CDH17: variants seen among roughly 807,000 people sequenced by gnomAD.
The protein encoded by CDH17 is cadherin-17.
In CDH17, 67 loss-of-function variants were observed where a neutral mutation model predicts 86.3. That is an observed-to-expected ratio of 0.78 (90% CI 0.64 to 0.95). The LOEUF (loss-of-function observed/expected upper bound fraction) is 0.95. Among genes scored for constraint, CDH17 ranks in the 40% least tolerant of loss-of-function variants. The probability of loss-of-function intolerance (pLI) is 0.00; values close to 1 mark genes in which losing one functional copy is unlikely to be tolerated. For synonymous variants in CDH17, 367 were observed against 366.4 expected (o/e 1.00, Z -0.02); for missense variants, 993 against 1,017.6 (o/e 0.98, Z 0.33).
chr8:94,146,064 GC>G lies in CDH17; in HGVS notation c.2030del (p.Cys677SerfsTer67), dbSNP rs1217046298. The G allele has an allele frequency of 5.1e-5, 83 of 1,613,712 alleles. No homozygotes were observed. Among genetic ancestry groups the G allele is most frequent in the Non-Finnish European group, 6.9e-5 (82 of 1,179,894 alleles). On this transcript the variant is annotated frameshift_variant, in exon 15 of 18. Coordinates refer to ENST00000027335, the MANE Select transcript of CDH17 (RefSeq NM_004063.4). LOFTEE classifies it high-confidence loss of function. ...LAKDYTGLFF[C>X]HPLSAPGSLI... ...GACTTCCAGGTGCACTGAGGGGATG[GC>G]AGAAGAACAAGCCCGTGTAGTCCTT... is the stretch of plus-strand genomic sequence containing the variant.
At chr8:94,207,063 C>A (rs1814042624) in intron 1 of CDH17, among the ~76,000 whole-genome samples, 1 of 152,110 alleles carries the variant, frequency 6.6e-6, no homozygotes, top group Admixed American at 6.6e-5. Context: ...CCCACCTGCA[C>A]CTCACCCAAA....
intron 15 of CDH17, among the ~76,000 whole-genome samples, chr8:94,144,767 C>A (rs1812707615): frequency 6.6e-6 from 1 of 152,078 alleles, no homozygotes; most frequent in Non-Finnish European, 1.5e-5. Flanking sequence ...AGATATATAT[C>A]TAACAAAGCA....
chr8:94,193,952 AAG>A (rs1244443446), intron 2 of CDH17, among the ~76,000 whole-genome samples: 1 of 143,618 alleles, frequency 7.0e-6, no homozygotes, highest in African/African-American at 2.5e-5. Flanking sequence ...AAAAAAAAAA[AAG>A]AGAGCAAATG....
intron 15 of CDH17, among the ~76,000 whole-genome samples, chr8:94,136,212 T>G (rs1307398124): frequency 1.3e-5 from 2 of 152,230 alleles, no homozygotes; most frequent in African/African-American, 4.8e-5. Context: ...CCTTGCTAGA[T>G]TGGGGAAGTT....
chr8:94,167,379 A>T (rs1382262248), intron 9 of CDH17, among the ~76,000 whole-genome samples: 1 of 152,124 alleles, frequency 6.6e-6, no homozygotes, highest in Non-Finnish European at 1.5e-5. Context: ...TTGTGGAGTT[A>T]CACCCCCTCC....
intron 3 of CDH17, among the ~76,000 whole-genome samples, 196 bp from the exon 4 acceptor site, chr8:94,177,917 G>A (rs1813406822): frequency 6.6e-6 from 1 of 152,180 alleles, no homozygotes; most frequent in Non-Finnish European, 1.5e-5. Flanking sequence ...TTTTCCTCAA[G>A]AGACTGTATA....
intron 9 of CDH17, among the ~76,000 whole-genome samples, 187 bp from the exon 10 acceptor site, chr8:94,166,163 G>C (rs548333639): frequency 6.6e-6 from 1 of 152,278 alleles, no homozygotes; most frequent in African/African-American, 2.4e-5. Flanking sequence ...GTATTTGTCA[G>C]CCAGGGCTGT....
At chr8:94,165,404 T>C (rs900856421) in intron 10 of CDH17, among the ~76,000 whole-genome samples, 4 of 152,056 alleles carry the variant, frequency 2.6e-5, no homozygotes, top group African/African-American at 9.7e-5. Flanking sequence ...CATCTCCCCT[T>C]CACCCAGCGT....
chr8:94,162,010 T>C (rs960122696), intron 11 of CDH17, 76 bp downstream of exon 11: 2 of 931,212 alleles, frequency 2.1e-6, no homozygotes, highest in Non-Finnish European at 3.5e-6. Flanking sequence ...AGCTACTGTC[T>C]GTGTCTCTAT....
At chr8:94,155,170 G>C (rs1398678639) in intron 12 of CDH17, among the ~76,000 whole-genome samples, 2 of 152,056 alleles carry the variant, frequency 1.3e-5, no homozygotes, top group African/African-American at 4.8e-5. Context: ...AGCACCCACT[G>C]TCTGCAGGGC....
intron 1 of CDH17, among the ~76,000 whole-genome samples, chr8:94,206,639 A>ATTTTT (rs35064887): frequency 1.1e-4 from 14 of 130,408 alleles, no homozygotes; most frequent in African/African-American, 3.3e-4. Context: ...CATCATCCAG[A>ATTTTT]TTTTTTTTTT....
chr8:94,177,020 C>T (rs1238044476), intron 4 of CDH17, among the ~76,000 whole-genome samples: 1 of 152,158 alleles, frequency 6.6e-6, no homozygotes, highest in Non-Finnish European at 1.5e-5. Flanking sequence ...GCCTGCAAGG[C>T]CTGCAGCAGA....
chr8:94,194,503 C>G, intron 2 of CDH17, 132 bp downstream of exon 2: 1 of 689,440 alleles, frequency 1.5e-6, no homozygotes, highest in South Asian at 1.7e-5. Context: ...TGTTTCCATT[C>G]TATACAACAA....
In CDH17 at chr8:94,180,593, A is replaced by T. The variant is rs1813462276; in HGVS notation, c.151-2872T>A. On this transcript the variant is annotated intron_variant, in intron 3 of 17. Transcript: ENST00000027335. ...ATGGAGATCAGAAGGCAGTGGAATG[A>T]CACATTCAAAGTGCTAAAAGAGGCC... Among the ~76,000 whole-genome samples the T allele has an allele frequency of 2.6e-5, 4 of 152,160 alleles. No homozygotes were observed. The South Asian group carries it at 8.3e-4, about 32-fold the overall frequency.
intron 1 of CDH17, 80 bp from the exon 2 acceptor site, chr8:94,194,785 A>G (rs539288730): frequency 2.7e-6 from 2 of 751,814 alleles, no homozygotes; most frequent in African/African-American, 3.5e-5. Context: ...GAATCAATGG[A>G]TGATATCCAG....
At chr8:94,148,435 G>A (rs575636551) in intron 14 of CDH17, among the ~76,000 whole-genome samples, 159 of 150,688 alleles carry the variant, frequency 1.1e-3, no homozygotes, top group African/African-American at 3.7e-3. Flanking sequence ...CCAGCTACTC[G>A]GAAGGCTGAG....
chr8:94,194,553 C>T (rs1199971518), intron 2 of CDH17, 82 bp downstream of exon 2: 2 of 895,256 alleles, frequency 2.2e-6, no homozygotes, highest in Non-Finnish European at 3.7e-6. Context: ...GTAATAATAG[C>T]CATTCTTTCC....
intron 15 of CDH17, among the ~76,000 whole-genome samples, chr8:94,145,095 T>C (rs906300383): frequency 2.6e-5 from 4 of 152,208 alleles, no homozygotes; most frequent in African/African-American, 4.8e-5. Context: ...TAGTTCAACC[T>C]TTCCTTAACA....
At chr8:94,128,415 T>G in intron 17 of CDH17, 75 bp from the exon 18 acceptor site, 4 of 919,350 alleles carry the variant, frequency 4.4e-6, no homozygotes, top group Non-Finnish European at 5.1e-6. Context: ...TAAAGTAGTA[T>G]TGTGGTAGGA....
Sources: allele counts gnomAD v4.1 joint callset (sites outside exome capture counted in the v4.1 genomes callset), GRCh38; gene constraint gnomAD v4.1.1; transcripts MANE v1.5; gene names NCBI Gene and HGNC (gene_info 2026-07-23, HGNC 2026-07-21).